CLEC12A: variants seen among roughly 807,000 people sequenced by gnomAD.
CLEC12A encodes C-type lectin domain family 12 member A, also known as C-type lectin protein CLL-1.
In CLEC12A, 22 loss-of-function variants were observed where a neutral mutation model predicts 26.5. That is an observed-to-expected ratio of 0.83 (90% CI 0.59 to 1.19). The LOEUF is 1.19. Among genes scored for constraint, CLEC12A ranks in the 50% most tolerant of loss-of-function variants. The pLI, the probability that CLEC12A is intolerant of heterozygous loss-of-function variation, is 0.00. For missense variants in CLEC12A, 353 were observed against 315.6 expected (o/e 1.12, Z -0.90); for synonymous variants, 119 against 101.9 (o/e 1.17, Z -1.01).
At chr12:9,980,194 G>A (rs755506656) in intron 3 of CLEC12A, among the ~76,000 whole-genome samples, 6 of 152,058 alleles carry the variant, frequency 3.9e-5, no homozygotes, top group Non-Finnish European at 5.9e-5. Flanking sequence ...TTGAATCCAA[G>A]TGCTTAATTT....
At chr12:9,999,650 C>T (rs939929889), downstream of CLEC12A, among the ~76,000 whole-genome samples, 1 of 152,188 alleles carries the variant, frequency 6.6e-6, no homozygotes, top group Non-Finnish European at 1.5e-5. Context: ...CTAGAATTTA[C>T]ACAACTTCTT....
At chr12:9,987,646 A>G (rs1055656519), downstream of CLEC12A, among the ~76,000 whole-genome samples, 13 of 152,126 alleles carry the variant, frequency 8.5e-5, no homozygotes, top group Admixed American at 8.5e-4. Flanking sequence ...TATAGTACCC[A>G]TTTTCACATG....
At chr12:9,971,162 C>G (rs1438824173), upstream of CLEC12A, among the ~76,000 whole-genome samples, 1 of 152,090 alleles carries the variant, frequency 6.6e-6, no homozygotes, top group East Asian at 1.9e-4. Context: ...AGAACTGCAT[C>G]TTTTCTGTTA....
At chr12:9,964,465 G>A (rs1299191921) in intron 1 of CLEC12A, among the ~76,000 whole-genome samples, 1 of 152,136 alleles carries the variant, frequency 6.6e-6, no homozygotes, top group East Asian at 1.9e-4. Context: ...GGTGGCATAA[G>A]AATGGGAATG....
chr12:9,997,106 A>G (rs1446442171), downstream of CLEC12A: 1 of 1,610,028 alleles, frequency 6.2e-7, no homozygotes, highest in South Asian at 1.1e-5. Flanking sequence ...AGTTGCCATC[A>G]GAGAAATGCT....
the CLEC12A span, among the ~76,000 whole-genome samples, chr12:10,003,453 T>G: frequency 1.3e-5 from 2 of 152,174 alleles, no homozygotes; most frequent in Admixed American, 6.5e-5. Flanking sequence ...CATATGTAAG[T>G]AAAATGTTAA....
intron 5 of CLEC12A, chr12:9,983,763 A>T: frequency 2.2e-6 from 1 of 452,560 alleles, no homozygotes; most frequent in South Asian, 3.5e-5. Context: ...TTTCTTTCAC[A>T]TAGAAATAGT....
chr12:9,967,884 G>A (rs1251942359), upstream of CLEC12A, among the ~76,000 whole-genome samples: 1 of 152,150 alleles, frequency 6.6e-6, no homozygotes, highest in Non-Finnish European at 1.5e-5. Context: ...CTGAAACATG[G>A]GTGAATAATC....
intron 1 of CLEC12A, among the ~76,000 whole-genome samples, chr12:9,952,365 C>G (rs1416739487): frequency 6.6e-6 from 1 of 150,862 alleles, no homozygotes; most frequent in African/African-American, 2.4e-5. Context: ...TTGGTGGAGA[C>G]GGGGTTTCGC....
chr12:9,991,517 AATT>A (rs1864892306), intron 4 of CLEC12A: 1 of 152,168 alleles, frequency 6.6e-6, no homozygotes, highest in South Asian at 2.1e-4. Context: ...CTAAATAGAC[AATT>A]CAAAATAAAA....
intron 1 of CLEC12A, among the ~76,000 whole-genome samples, chr12:9,976,910 AG>A (rs1395131779): frequency 6.6e-6 from 1 of 152,026 alleles, no homozygotes; most frequent in Non-Finnish European, 1.5e-5. Flanking sequence ...TCCCTGCACA[AG>A]TTCTTTCTTC....
chr12:9,970,791 T>C (rs888138789), upstream of CLEC12A, among the ~76,000 whole-genome samples: 4 of 152,206 alleles, frequency 2.6e-5, no homozygotes, highest in Non-Finnish European at 5.9e-5. Context: ...TCAGTATGCA[T>C]ACTCTCTGGT....
upstream of CLEC12A, among the ~76,000 whole-genome samples, chr12:9,971,088 A>G (rs1033281294): frequency 1.3e-5 from 2 of 152,066 alleles, no homozygotes; most frequent in African/African-American, 4.8e-5. Flanking sequence ...TTCTATCAGG[A>G]CCTTCATCAT....
chr12:9,980,639 TC>T lies in CLEC12A; in HGVS notation c.439del (p.Leu147Ter), dbSNP rs1864520132. The T allele has an allele frequency of 6.2e-7, 1 of 1,613,880 alleles. No homozygotes were observed. The highest frequency in any genetic ancestry group is 8.5e-7 in the Non-Finnish European group (1 of 1,179,832). ...RWIWHKDSCY[F>X]LSDDVQTWQE... ...ATTTGGCATAAGGACAGCTGTTATT[TC>T]CTAAGTGATGATGTCCAAACATGGC... is the stretch of plus-strand genomic sequence containing the variant. On this transcript the variant is annotated frameshift_variant, in exon 4 of 6. Coordinates refer to ENST00000304361, the MANE Select transcript of CLEC12A (RefSeq NM_138337.6). LOFTEE classifies it high-confidence loss of function.
intron 1 of CLEC12A, among the ~76,000 whole-genome samples, chr12:9,953,523 C>T (rs866500685): frequency 0.013 from 1,926 of 149,826 alleles, 5 homozygotes; most frequent in African/African-American, 0.045. Flanking sequence ...TCTGCCCGGC[C>T]GCCCCCTACT....
chr12:9,971,675 T>C lies in CLEC12A; in HGVS notation c.79T>C (p.Phe27Leu). The change falls in exon 1 of 6, where the codon TTT (phenylalanine) becomes CTT (leucine). Residue 27 changes from phenylalanine (F) to leucine (L), a missense_variant. Phe to Leu is a conservative substitution (Grantham distance 22). Transcript: ENST00000304361. Reference sequence around the variant, plus strand: ...GGAAAAAATCCCAGAAATTGGCAAATTTGGGGAAAAAGGTAAGATTTTGAG... The same window carrying C: ...GGAAAAAATCCCAGAAATTGGCAAACTTGGGGAAAAAGGTAAGATTTTGAG... ...EMEKIPEIGK[F>L]GEKAPPAPSH... The C allele has an allele frequency of 6.2e-7, 1 of 1,609,360 alleles. No individual in the cohort carries two copies. Among genetic ancestry groups the C allele is most frequent in the Non-Finnish European group, 8.5e-7 (1 of 1,177,744 alleles).
chr12:9,998,328 G>A (rs760956833), downstream of CLEC12A: 2 of 1,614,028 alleles, frequency 1.2e-6, no homozygotes, highest in South Asian at 1.1e-5. Context: ...CCACGCACAG[G>A]ATCAGCAGAA....
rs1037657652 is a variant in CLEC12A at position 9,995,421 on chromosome 12, T to TA, written n.1416dup. ...TACCAATTTGACTTGTCTGAGAACT[T>TA]AAAAAAAACTTATAGGACACAGGTA... On this transcript the variant is annotated non_coding_transcript_exon_variant, in exon 5 of 5. Coordinates refer to the CLEC12A transcript ENST00000449959. 353 of 609,288 alleles carry TA rather than the reference T, an allele frequency of 5.8e-4. 1 individual carries two copies. The Middle Eastern group carries it at 7.7e-3, about 13-fold the overall frequency. The allele number at this position is 609,288 out of a possible 1,614,324, so 37.7% of individuals were successfully genotyped here. A position where few individuals can be genotyped will look rare whatever the true frequency, so the allele number is the denominator to read the frequency against.
downstream of CLEC12A, among the ~76,000 whole-genome samples, chr12:9,989,130 G>A (rs534743038): frequency 4.3e-4 from 65 of 149,700 alleles, no homozygotes; most frequent in African/African-American, 1.3e-3. Flanking sequence ...ACCAAACACC[G>A]CATGTTCTCA....
Sources: gnomAD v4.1 joint callset for allele counts (sites outside exome capture counted in the v4.1 genomes callset) on GRCh38, gnomAD v4.1.1 for gene constraint, MANE v1.5 for transcripts, NCBI Gene and HGNC (gene_info 2026-07-23, HGNC 2026-07-21) for gene names.